MOSMO: variants seen among roughly 807,000 people sequenced by gnomAD.
MOSMO encodes the protein modulator of smoothened protein.
MOSMO carries 5 observed loss-of-function variants against 18.4 expected under a neutral mutation model. The observed-to-expected ratio is 0.27, with a 90% CI of 0.14 to 0.57. The LOEUF (loss-of-function observed/expected upper bound fraction) is 0.57, where lower values mean the gene tolerates loss of function less well. MOSMO is among the 20% of genes least tolerant of loss of function. The probability of loss-of-function intolerance (pLI) is 0.92; values close to 1 mark genes in which losing one functional copy is unlikely to be tolerated. For missense variants in MOSMO, 138 were observed against 211.8 expected, an observed-to-expected ratio of 0.65 and a Z score of 2.16; for synonymous variants, 82 against 82.3, an observed-to-expected ratio of 1.00 and a Z score of 0.02.
At chr16:22,089,002 GAA>G (rs748250714), downstream of MOSMO, among the ~76,000 whole-genome samples, 4 of 135,870 alleles carry the variant, frequency 2.9e-5, no homozygotes, top group Admixed American at 7.4e-5. Context: ...TTTGTTGAGA[GAA>G]AAAAAAAAAA....
At chr16:22,048,186 G>A (rs1419408798) in intron 1 of MOSMO, among the ~76,000 whole-genome samples, 2 of 152,200 alleles carry the variant, frequency 1.3e-5, no homozygotes, top group African/African-American at 2.4e-5. Context: ...ACATCTCTGT[G>A]TAAGAAAGAT....
At chr16:22,079,871 C>T (rs1036550496) in intron 2 of MOSMO, among the ~76,000 whole-genome samples, 8 of 152,186 alleles carry the variant, frequency 5.3e-5, no homozygotes, top group African/African-American at 1.9e-4. Context: ...ACAACCTCCA[C>T]CACCCAGGTT....
At chr16:22,017,452 C>G (rs140658099) in intron 1 of MOSMO, among the ~76,000 whole-genome samples, 3 of 152,152 alleles carry the variant, frequency 2.0e-5, no homozygotes, top group Non-Finnish European at 2.9e-5. Context: ...TGAAGCTACA[C>G]CTTTTTTTCC....
At position 22,058,769 on chromosome 16, in the gene MOSMO, A is replaced by G. The variant is rs200384717; in HGVS notation, c.107-16718A>G. ...GCTTGAGATGCCTATGAGGCATCCAAGTGGAAATATTAAGTAAGCAATAAG... is the reference window on the plus strand; with the variant it reads ...GCTTGAGATGCCTATGAGGCATCCAGGTGGAAATATTAAGTAAGCAATAAG... On this transcript the variant is annotated intron_variant, in intron 1 of 2. Transcript: ENST00000542527. Among the ~76,000 whole-genome samples, 13 of 152,322 alleles carry G rather than the reference A, an allele frequency of 8.5e-5. No individual in the cohort carries two copies. In the East Asian group the frequency reaches 1.7e-3, roughly 20 times the overall value.
At chr16:22,088,665 T>G (rs1901234622), downstream of MOSMO, among the ~76,000 whole-genome samples, 2 of 152,234 alleles carry the variant, frequency 1.3e-5, no homozygotes, top group Admixed American at 1.3e-4. Flanking sequence ...CTTTCCCATA[T>G]GTCATCTTAA....
intron 1 of MOSMO, among the ~76,000 whole-genome samples, chr16:22,026,215 CTTTTTTTTTT>C (rs1230886620): frequency 3.3e-5 from 4 of 122,122 alleles, no homozygotes; most frequent in South Asian, 2.6e-4. Context: ...GAATTGCATT[CTTTTTTTTTT>C]TTTTTTTTTT....
intron 1 of MOSMO, among the ~76,000 whole-genome samples, chr16:22,040,327 C>T (rs1900186300): frequency 6.6e-6 from 1 of 152,126 alleles, no homozygotes; most frequent in Admixed American, 6.5e-5. Flanking sequence ...GGCTTAATAC[C>T]TGGATGATGA....
chr16:22,066,687 A>G (rs1367193365), intron 1 of MOSMO, among the ~76,000 whole-genome samples: 1 of 152,216 alleles, frequency 6.6e-6, no homozygotes, highest in Non-Finnish European at 1.5e-5. Flanking sequence ...AATCTAATAG[A>G]TGAGGCCACA....
Position 22,081,606 on chromosome 16 carries a change from T to C in MOSMO, c.*726T>C, listed in dbSNP as rs1312111703. On this transcript the variant is annotated 3_prime_UTR_variant, in exon 3 of 3. Transcript: ENST00000542527. ...ATATATATATTTTGCTGATGCAGTA[T>C]ACAGTGTGTATATATGTGTGTGTGT... The C allele has an allele frequency of 7.2e-6, 1 of 138,968 alleles. No homozygotes were observed. Among genetic ancestry groups the C allele is most frequent in the Non-Finnish European group, 1.5e-5 (1 of 64,826 alleles). 8.6% of individuals were successfully genotyped at this position (138,968 alleles called of 1,614,324 possible).
intron 1 of MOSMO, among the ~76,000 whole-genome samples, chr16:22,026,512 C>T (rs574210357): frequency 2.0e-5 from 3 of 152,216 alleles, no homozygotes; most frequent in African/African-American, 7.2e-5. Flanking sequence ...AGCCACCGCG[C>T]CCAGCCTGAG....
At chr16:22,040,924 A>G (rs576728460) in intron 1 of MOSMO, among the ~76,000 whole-genome samples, 2 of 152,258 alleles carry the variant, frequency 1.3e-5, no homozygotes, top group East Asian at 3.9e-4. Context: ...AGATCGCGCT[A>G]CTGCACTCCA....
intron 1 of MOSMO, among the ~76,000 whole-genome samples, chr16:22,058,386 A>G (rs1900578303): frequency 6.6e-6 from 1 of 151,248 alleles, no homozygotes; most frequent in Admixed American, 6.6e-5. Context: ...AGATCGCGCC[A>G]CTGCTCTCTA....
intron 1 of MOSMO, among the ~76,000 whole-genome samples, chr16:22,051,398 G>T (rs1900424292): frequency 6.6e-6 from 1 of 151,614 alleles, no homozygotes; most frequent in African/African-American, 2.4e-5. Flanking sequence ...AAAAAAAAAG[G>T]ACTCTACAGA....
downstream of MOSMO, among the ~76,000 whole-genome samples, chr16:22,091,654 G>C (rs920390641): frequency 6.6e-5 from 10 of 152,272 alleles, no homozygotes; most frequent in African/African-American, 9.6e-5. Context: ...GCCTCCCAAA[G>C]TGCTGGGATT....
At chr16:22,052,022 A>G (rs1253343913) in intron 1 of MOSMO, among the ~76,000 whole-genome samples, 3 of 152,282 alleles carry the variant, frequency 2.0e-5, no homozygotes, top group South Asian at 2.1e-4. Flanking sequence ...TAATTTGGCA[A>G]TATCTGTGAA....
rs1261950950 is a variant in MOSMO, at chr16:22,082,082, C to T, written c.*1202C>T. On this transcript the variant is annotated 3_prime_UTR_variant, in exon 3 of 3. Transcript: ENST00000542527. ...ATTTTATATGTTCAGGCACACTTTA[C>T]ATAAATACAAAGTTCGCTAGTAAAT... The T allele has an allele frequency of 6.6e-6, 1 of 152,186 alleles. No homozygotes were observed. The highest frequency in any genetic ancestry group is 2.4e-5 in the African/African-American group (1 of 41,450). 9.4% of individuals were successfully genotyped at this position (152,186 alleles called of 1,614,324 possible).
chr16:22,011,606 C>T (rs1438311880), intron 1 of MOSMO, among the ~76,000 whole-genome samples: 2 of 152,056 alleles, frequency 1.3e-5, no homozygotes, highest in Non-Finnish European at 2.9e-5. Flanking sequence ...GGCAGGGGAT[C>T]GTAGGCACAA....
chr16:22,083,914 A>C lies in MOSMO; in HGVS notation c.*3034A>C, dbSNP rs1901127007. The C allele has an allele frequency of 3.4e-6, 1 of 295,990 alleles. No homozygotes were observed. The highest frequency in any genetic ancestry group is 6.5e-6 in the Non-Finnish European group (1 of 153,998). 18.3% of individuals were successfully genotyped at this position (295,990 alleles called of 1,614,324 possible). A position where few individuals can be genotyped will look rare whatever the true frequency, so the allele number is the denominator to read the frequency against. On this transcript the variant is annotated 3_prime_UTR_variant, in exon 3 of 3. Coordinates refer to ENST00000542527, the MANE Select transcript of MOSMO (RefSeq NM_001164579.2). Reference sequence around the variant, plus strand: ...TTAATGTGTGTATGTAATTTTTCTGACTCTTCCACCTCTTATAAACCTATT... The same window carrying C: ...TTAATGTGTGTATGTAATTTTTCTGCCTCTTCCACCTCTTATAAACCTATT...
chr16:22,077,287 A>G (rs1217503268), intron 2 of MOSMO, among the ~76,000 whole-genome samples: 1 of 152,186 alleles, frequency 6.6e-6, no homozygotes, highest in African/African-American at 2.4e-5. Context: ...AATAAAGGGA[A>G]AGAACTAGGA....
Sources: gnomAD v4.1 joint callset for allele counts (sites outside exome capture counted in the v4.1 genomes callset) on GRCh38, gnomAD v4.1.1 for gene constraint, MANE v1.5 for transcripts, NCBI Gene and HGNC (gene_info 2026-07-23, HGNC 2026-07-21) for gene names.